The following MANBA variants were observed in gnomAD, a reference collection of about 807,000 sequenced individuals.
MANBA encodes the protein mannosidase beta, also known as beta-mannosidase.
MANBA carries 83 observed loss-of-function variants against 111.1 expected under a neutral mutation model. That is an observed-to-expected ratio of 0.75 (90% CI 0.63 to 0.90). MANBA has a LOEUF of 0.90. Among genes scored for constraint, MANBA ranks in the 40% least tolerant of loss-of-function variants. The pLI, the probability that MANBA is intolerant of heterozygous loss-of-function variation, is 0.00. For synonymous variants in MANBA, 370 were observed against 378.7 expected, an observed-to-expected ratio of 0.98 and a Z score of 0.27; for missense variants, 1,036 against 1,069.0, an observed-to-expected ratio of 0.97 and a Z score of 0.43.
At chr4:102,697,220 C>A (rs1026610092) in intron 5 of MANBA, among the ~76,000 whole-genome samples, 3 of 151,742 alleles carry the variant, frequency 2.0e-5, no homozygotes, top group Admixed American at 2.0e-4. Flanking sequence ...AAGCAAAATA[C>A]CCATAAAGTT....
intron 1 of MANBA, among the ~76,000 whole-genome samples, chr4:102,739,003 G>A (rs1384466064): frequency 2.6e-5 from 4 of 151,902 alleles, no homozygotes; most frequent in Non-Finnish European, 5.9e-5. Flanking sequence ...GAAGAAAAAA[G>A]ATAAATGAAA....
chr4:102,755,110 GA>G (rs1285592536), intron 1 of MANBA, among the ~76,000 whole-genome samples: 1 of 151,998 alleles, frequency 6.6e-6, no homozygotes, highest in Non-Finnish European at 1.5e-5. Flanking sequence ...CACAGAATTG[GA>G]AAAAACTACT....
At chr4:102,718,897 T>C (rs1292038216) in intron 4 of MANBA, among the ~76,000 whole-genome samples, 1 of 151,474 alleles carries the variant, frequency 6.6e-6, no homozygotes, top group Non-Finnish European at 1.5e-5. Context: ...GGGGAGGGGG[T>C]GTACAAACAG....
chr4:102,698,731 C>CCAGTA (rs1232251497), intron 5 of MANBA, among the ~76,000 whole-genome samples: 6 of 151,726 alleles, frequency 4.0e-5, no homozygotes, highest in African/African-American at 1.5e-4. Context: ...TGTTTTGGTA[C>CCAGTA]CAGTACCATG....
intron 1 of MANBA, among the ~76,000 whole-genome samples, chr4:102,737,704 G>T (rs1330115546): frequency 6.6e-6 from 1 of 152,058 alleles, no homozygotes; most frequent in South Asian, 2.1e-4. Flanking sequence ...GGATGGTCTC[G>T]ATCTCCTGAC....
At position 102,678,114 on chromosome 4, in the gene MANBA, TAACTA is replaced by T. The variant is rs779305596; in HGVS notation, c.961-4049_961-4045del. Among the ~76,000 whole-genome samples the T allele has an allele frequency of 2.1e-4, 32 of 152,244 alleles. 1 individual carries two copies. The highest frequency in any genetic ancestry group is 1.2e-3 in the South Asian group (6 of 4,828). On this transcript the variant is annotated intron_variant, in intron 7 of 16. Coordinates refer to ENST00000647097, the MANE Select transcript of MANBA (RefSeq NM_005908.4). ...TATACATTAATGCTACAAATTGTAT[TAACTA>T]TACAACATAACACTTTCCAGAATAT... is the stretch of plus-strand genomic sequence containing the variant.
intron 5 of MANBA, 29 bp from the exon 6 acceptor site, chr4:102,690,800 T>A (rs778074816): frequency 1.4e-6 from 1 of 716,874 alleles, no homozygotes; most frequent in East Asian, 4.1e-5. Context: ...AAGAAATATA[T>A]ATATATATAT....
At chr4:102,678,525 A>C (rs184997628) in intron 7 of MANBA, among the ~76,000 whole-genome samples, 91 of 151,956 alleles carry the variant, frequency 6.0e-4, no homozygotes, top group Non-Finnish European at 1.1e-3. Context: ...TTTTTTAAAC[A>C]GTCCAACAAA....
chr4:102,737,953 G>C (rs933613900), intron 1 of MANBA, among the ~76,000 whole-genome samples: 1 of 152,090 alleles, frequency 6.6e-6, no homozygotes, highest in Admixed American at 6.5e-5. Context: ...CTCACCTGAT[G>C]GATTTTCTCT....
chr4:102,695,353 C>T (rs1732660581), intron 5 of MANBA, among the ~76,000 whole-genome samples: 1 of 152,114 alleles, frequency 6.6e-6, no homozygotes, highest in African/African-American at 2.4e-5. Context: ...AATAAGAGGA[C>T]TCAGTTACAT....
At chr4:102,672,147 C>G (rs1195648125) in intron 8 of MANBA, 1 of 398,408 alleles carries the variant, frequency 2.5e-6, no homozygotes, top group Admixed American at 4.4e-5. Context: ...CTTATGAAAT[C>G]TAAAATAATA....
At chr4:102,652,788 G>C (rs957823671) in intron 12 of MANBA, among the ~76,000 whole-genome samples, 1 of 152,238 alleles carries the variant, frequency 6.6e-6, no homozygotes, top group South Asian at 2.1e-4. Flanking sequence ...CCAGCTACTT[G>C]GGAGGCTAAA....
chr4:102,706,669 G>A (rs1037233713), intron 5 of MANBA, among the ~76,000 whole-genome samples: 1 of 151,892 alleles, frequency 6.6e-6, no homozygotes, highest in African/African-American at 2.4e-5. Context: ...GACATTCATT[G>A]AGATGCAAGA....
intron 1 of MANBA, among the ~76,000 whole-genome samples, chr4:102,731,507 A>G (rs960147085): frequency 1.1e-4 from 17 of 152,288 alleles, no homozygotes; most frequent in African/African-American, 3.4e-4. Flanking sequence ...TATTAACATC[A>G]GGTTTCTTAT....
At chr4:102,669,873 G>A (rs545074071) in intron 9 of MANBA, among the ~76,000 whole-genome samples, 3 of 152,188 alleles carry the variant, frequency 2.0e-5, no homozygotes, top group East Asian at 1.9e-4. Flanking sequence ...CCAGCTACTC[G>A]GGAGGCTGAG....
At chr4:102,740,711 A>T (rs1723371002) in intron 1 of MANBA, among the ~76,000 whole-genome samples, 1 of 152,204 alleles carries the variant, frequency 6.6e-6, no homozygotes, top group Admixed American at 6.5e-5. Context: ...CACCCTATTC[A>T]ACAAATGATG....
At chr4:102,643,849 A>AT (rs1381043335) in intron 13 of MANBA, among the ~76,000 whole-genome samples, 3 of 151,608 alleles carry the variant, frequency 2.0e-5, no homozygotes, top group African/African-American at 7.3e-5. Context: ...TTATCTTTTC[A>AT]TTTTCTCGAT....
chr4:102,684,540 C>A (rs1732125518), intron 7 of MANBA, among the ~76,000 whole-genome samples: 1 of 152,152 alleles, frequency 6.6e-6, no homozygotes, highest in Non-Finnish European at 1.5e-5. Flanking sequence ...CCAAAACTGG[C>A]AACTACTCAA....
intron 5 of MANBA, among the ~76,000 whole-genome samples, chr4:102,692,911 T>C (rs1732548718): frequency 6.6e-6 from 1 of 150,670 alleles, no homozygotes; most frequent in Admixed American, 6.6e-5. Flanking sequence ...ACAAAAGACG[T>C]TATAACCGGC....
Sources: allele counts gnomAD v4.1 joint callset (sites outside exome capture counted in the v4.1 genomes callset), GRCh38; gene constraint gnomAD v4.1.1; transcripts MANE v1.5; gene names NCBI Gene and HGNC (gene_info 2026-07-23, HGNC 2026-07-21).